PITPNM2: variants seen among roughly 807,000 people sequenced by gnomAD.
PITPNM2 encodes the protein membrane-associated phosphatidylinositol transfer protein 2.
In PITPNM2, 35 loss-of-function variants were observed where a neutral mutation model predicts 132.2. That is an observed-to-expected ratio of 0.26 (90% confidence interval 0.20 to 0.35). The LOEUF (loss-of-function observed/expected upper bound fraction) is 0.35. PITPNM2 is among the 10% of genes least tolerant of loss of function. The pLI is 1.00. For synonymous variants in PITPNM2, 738 were observed against 799.2 expected (o/e 0.92, Z 1.29); for missense variants, 1,332 against 1,912.0 (o/e 0.70, Z 5.66).
intron 3 of PITPNM2, among the ~76,000 whole-genome samples, chr12:123,018,057 TTCTCTCTCTCTC>T (rs1028425783): frequency 7.9e-6 from 1 of 126,618 alleles, no homozygotes; most frequent in African/African-American, 2.9e-5. Flanking sequence ...CCTCCCTCTT[TTCTCTCTCTCTC>T]TCTCTCTCTT....
chr12:122,994,453 CAT>C lies in PITPNM2; in HGVS notation c.2233+346_2233+347del, dbSNP rs1267124779. ...AGGCTTTGGGGATGCCTGGCCTCTG[CAT>C]CTCTCCCTATGGGAGGACCTTGGAC... On this transcript the variant is annotated intron_variant, in intron 15 of 25. Coordinates refer to ENST00000320201, the MANE Select transcript of PITPNM2 (RefSeq NM_020845.3). The surrounding 1 kb of genome is among the most constrained non-coding windows in gnomAD (Gnocchi z 5.4). 6.6e-6 allele frequency among the ~76,000 whole-genome samples: 1 copy of C among 152,196 alleles called. No homozygotes were observed. The highest frequency in any genetic ancestry group is 2.4e-5 in the African/African-American group (1 of 41,450).
intron 3 of PITPNM2, among the ~76,000 whole-genome samples, chr12:123,027,139 C>A (rs948206217): frequency 1.3e-5 from 2 of 152,148 alleles, no homozygotes; most frequent in East Asian, 3.9e-4. Context: ...CCTCATCTCT[C>A]GGTGGGGCAG....
chr12:122,987,431 C>T lies in PITPNM2; in HGVS notation c.3264-1G>A. 1.2e-6 allele frequency: 2 copies of T among 1,613,784 alleles called. No individual in the cohort carries two copies. Among genetic ancestry groups the T allele is most frequent in the Non-Finnish European group, 8.5e-7 (1 of 1,179,920 alleles). The stretch of plus-strand genomic sequence containing the variant: ...GCTGTCGGCAAACGTGTGGTCTCCC[C>T]TGGCAGGTGGTGGGGGTGCTCATCA... On this transcript the variant is annotated splice_acceptor_variant, in intron 22 of 25. Coordinates refer to ENST00000320201, the MANE Select transcript of PITPNM2 (RefSeq NM_020845.3). LOFTEE classifies it high-confidence loss of function.
intron 2 of PITPNM2, among the ~76,000 whole-genome samples, chr12:123,052,801 T>TA (rs943295768): frequency 2.6e-5 from 4 of 151,464 alleles, no homozygotes; most frequent in African/African-American, 4.8e-5. Flanking sequence ...TTTTTTTTTT[T>TA]AAGTGAAACC....
At chr12:123,131,378 G>A (rs1458429632) in intron 1 of PITPNM2, among the ~76,000 whole-genome samples, 1 of 152,210 alleles carries the variant, frequency 6.6e-6, no homozygotes, top group Admixed American at 6.5e-5. Context: ...GCAGCTAGGA[G>A]GGAGGCCGGG....
At position 123,078,915 on chromosome 12, in the gene PITPNM2, C is replaced by G. The variant is rs758722644; in HGVS notation, c.-96+31470G>C. Among the ~76,000 whole-genome samples the G allele has an allele frequency of 6.6e-6, 1 of 152,198 alleles. No individual in the cohort carries two copies. Among genetic ancestry groups the G allele is most frequent in the East Asian group, 1.9e-4 (1 of 5,196 alleles). On this transcript the variant is annotated intron_variant, in intron 2 of 25. Coordinates refer to ENST00000320201, the MANE Select transcript of PITPNM2 (RefSeq NM_020845.3). This position sits in a 1 kb window ranked among gnomAD's most constrained non-coding sequence, Gnocchi z 7.3. Reference sequence around the variant, plus strand: ...CGAAATGGGGCTGGGAAGAAAGCCACGAGACCTCAGTGGGGTCGCAGTCTC... The same window carrying G: ...CGAAATGGGGCTGGGAAGAAAGCCAGGAGACCTCAGTGGGGTCGCAGTCTC...
intron 2 of PITPNM2, among the ~76,000 whole-genome samples, chr12:123,068,262 T>C (rs1190639105): frequency 6.6e-6 from 1 of 151,958 alleles, no homozygotes; most frequent in Non-Finnish European, 1.5e-5. Flanking sequence ...AGTCAGGAGA[T>C]CGAGAACATC....
At chr12:123,056,843 G>A (rs553191650) in intron 2 of PITPNM2, among the ~76,000 whole-genome samples, 82 of 151,970 alleles carry the variant, frequency 5.4e-4, no homozygotes, top group Admixed American at 4.8e-3. Flanking sequence ...ACAACCTGCA[G>A]GTCCCTGCAG....
rs186029553 is a variant in PITPNM2, at chr12:123,029,069, A to G, written c.78+5444T>C. 3.2e-4 allele frequency among the ~76,000 whole-genome samples: 49 copies of G among 152,194 alleles called. 1 individual carries two copies. Among genetic ancestry groups the G allele is most frequent in the Admixed American group, 2.5e-3 (39 of 15,298 alleles). ...GGGTTGAGAGGGGAGATCCCTCCCA[A>G]TGCTGCCTCCTCCCCAATCTAGACA... is the stretch of plus-strand genomic sequence containing the variant. On this transcript the variant is annotated intron_variant, in intron 3 of 25. Transcript: ENST00000320201.
At chr12:123,080,938 G>T (rs898711741) in intron 2 of PITPNM2, among the ~76,000 whole-genome samples, 5 of 152,252 alleles carry the variant, frequency 3.3e-5, no homozygotes, top group Non-Finnish European at 7.3e-5. Flanking sequence ...CTGGCCCCAG[G>T]TGGCTACTAA....
Position 122,992,788 on chromosome 12 carries a change from G to T in PITPNM2, c.2234-119C>A. 1 of 715,574 alleles carries T rather than the reference G, an allele frequency of 1.4e-6. No individual in the cohort carries two copies. Among genetic ancestry groups the T allele is most frequent in the Non-Finnish European group, 2.3e-6 (1 of 441,380 alleles). The allele number at this position is 715,574 out of a possible 1,614,324, so 44.3% of individuals were successfully genotyped here. A position where few individuals can be genotyped will look rare whatever the true frequency, so the allele number is the denominator to read the frequency against. On this transcript the variant is annotated intron_variant, in intron 15 of 25. Transcript: ENST00000320201. This position sits in a 1 kb window ranked among gnomAD's most constrained non-coding sequence, Gnocchi z 6.5. The stretch of plus-strand genomic sequence containing the variant: ...CTGAAAGTTAGGGATAAGATGGGGG[G>T]TGTGTCTCTATCAATTTGGGACCTG...
chr12:123,136,804 G>A (rs540381795), intron 1 of PITPNM2, among the ~76,000 whole-genome samples: 1 of 152,216 alleles, frequency 6.6e-6, no homozygotes, highest in Non-Finnish European at 1.5e-5. Context: ...GGCTGAGGCA[G>A]AAGAATCGCT....
In PITPNM2 at chr12:123,023,263, T is replaced by C. The variant is rs1160441649; in HGVS notation, c.79-9221A>G. On this transcript the variant is annotated intron_variant, in intron 3 of 25. Coordinates refer to ENST00000320201, the MANE Select transcript of PITPNM2 (RefSeq NM_020845.3). The surrounding 1 kb of genome is among the most constrained non-coding windows in gnomAD (Gnocchi z 4.8). ...GTGAGGGGCTCACTGAAGCTGCCAC[T>C]CAGAATGTCAGTGCGCAGGCGTGCA... Among the ~76,000 whole-genome samples the C allele has an allele frequency of 6.6e-6, 1 of 152,118 alleles. No individual in the cohort carries two copies. The highest frequency in any genetic ancestry group is 1.5e-5 in the Non-Finnish European group (1 of 68,010).
intron 8 of PITPNM2, among the ~76,000 whole-genome samples, chr12:123,003,310 C>T (rs2038779651): frequency 6.6e-6 from 1 of 152,170 alleles, no homozygotes; most frequent in South Asian, 2.1e-4. Context: ...CTCCTGGGCC[C>T]ATTTCCCCAG....
At chr12:123,135,663 G>C (rs560939773) in intron 1 of PITPNM2, among the ~76,000 whole-genome samples, 1 of 152,242 alleles carries the variant, frequency 6.6e-6, no homozygotes, top group East Asian at 1.9e-4. Flanking sequence ...TGTCCTAAAC[G>C]TTCATCCATG....
At chr12:123,081,704 C>CA (rs1307926543) in intron 2 of PITPNM2, 3 of 152,204 alleles carry the variant, frequency 2.0e-5, no homozygotes, top group African/African-American at 7.2e-5. Flanking sequence ...GCTGGCCCTG[C>CA]AGGAGCCTCC....
chr12:123,018,672 C>T (rs2039543356), intron 3 of PITPNM2, among the ~76,000 whole-genome samples: 1 of 152,078 alleles, frequency 6.6e-6, no homozygotes, highest in Admixed American at 6.5e-5. Context: ...TTGTCTCAAA[C>T]TCTTGGCCTC....
rs1350847299 is a variant in PITPNM2 at position 123,097,786 on chromosome 12, G to A, written c.-96+12599C>T. 2.0e-5 allele frequency among the ~76,000 whole-genome samples: 3 copies of A among 152,296 alleles called. No homozygotes were observed. The highest frequency in any genetic ancestry group is 2.1e-4 in the South Asian group (1 of 4,834). ...TTGAAGACATTCACGTGAAGATGACGGGCAGGTCCCCAGCTCCTGGGCTGA... is the reference window on the plus strand; with the variant it reads ...TTGAAGACATTCACGTGAAGATGACAGGCAGGTCCCCAGCTCCTGGGCTGA... On this transcript the variant is annotated intron_variant, in intron 2 of 25. Coordinates refer to ENST00000320201, the MANE Select transcript of PITPNM2 (RefSeq NM_020845.3). This position sits in a 1 kb window ranked among gnomAD's most constrained non-coding sequence, Gnocchi z 4.7.
intron 8 of PITPNM2, 47 bp from the exon 9 acceptor site, chr12:123,001,205 A>C (rs1279367155): frequency 2.0e-6 from 3 of 1,516,466 alleles, no homozygotes; most frequent in Non-Finnish European, 2.7e-6. Flanking sequence ...AACGCTGGGG[A>C]AGCCTGGCTT....
Sources: gnomAD v4.1 joint callset for allele counts (sites outside exome capture counted in the v4.1 genomes callset) on GRCh38, gnomAD v4.1.1 for gene constraint, Gnocchi (gnomAD v3.1) non-coding constraint, MANE v1.5 for transcripts, NCBI Gene and HGNC (gene_info 2026-07-23, HGNC 2026-07-21) for gene names.